The following CDK14 variants were observed in gnomAD, a reference collection of about 807,000 sequenced individuals.
CDK14 encodes the protein cyclin dependent kinase 14, also known as cyclin-dependent kinase 14.
In CDK14, 34 loss-of-function variants were observed where a neutral mutation model predicts 60.7. That is an observed-to-expected ratio of 0.56 (90% CI 0.43 to 0.75). CDK14 has a LOEUF of 0.75. CDK14 is among the 30% of genes least tolerant of loss of function. CDK14 has a pLI of 0.00. For synonymous variants in CDK14, 197 were observed against 203.7 expected (o/e 0.97, Z 0.28); for missense variants, 482 against 564.1 (o/e 0.85, Z 1.47).
At chr7:90,625,276 G>A (rs1419081091) in intron 2 of CDK14, among the ~76,000 whole-genome samples, 1 of 152,152 alleles carries the variant, frequency 6.6e-6, no homozygotes, top group Non-Finnish European at 1.5e-5. Context: ...GGAGTGCAAG[G>A]CCGAAGTGAG....
intron 11 of CDK14, among the ~76,000 whole-genome samples, chr7:91,062,964 G>T (rs57937791): frequency 0.025 from 3,793 of 152,220 alleles, 138 homozygotes; most frequent in African/African-American, 0.085. Flanking sequence ...ACAGTGAAAG[G>T]CAGGGCACAA....
intron 14 of CDK14, among the ~76,000 whole-genome samples, chr7:91,179,584 C>G (rs188035313): frequency 0.016 from 2,480 of 151,860 alleles, 90 homozygotes; most frequent in African/African-American, 0.055. Flanking sequence ...GGGCGGATCA[C>G]GAGGTCAAGA....
chr7:90,667,956 G>T (rs909390239), intron 2 of CDK14, among the ~76,000 whole-genome samples: 1 of 152,122 alleles, frequency 6.6e-6, no homozygotes, highest in Non-Finnish European at 1.5e-5. Context: ...CATTTGGGTT[G>T]TTTCCACTTT....
At chr7:91,070,368 G>C (rs1798106788) in intron 11 of CDK14, among the ~76,000 whole-genome samples, 1 of 152,134 alleles carries the variant, frequency 6.6e-6, no homozygotes, top group Non-Finnish European at 1.5e-5. Flanking sequence ...CGTGAAGAAA[G>C]AGACTTGTTC....
chr7:91,113,946 G>GT (rs1251752000), intron 13 of CDK14, among the ~76,000 whole-genome samples: 1 of 151,872 alleles, frequency 6.6e-6, no homozygotes, highest in Non-Finnish European at 1.5e-5. Flanking sequence ...TCCAGCCCAT[G>GT]TTTACTCAAC....
intron 14 of CDK14, among the ~76,000 whole-genome samples, chr7:91,120,277 A>T (rs1799741089): frequency 6.6e-6 from 1 of 152,208 alleles, no homozygotes; most frequent in Non-Finnish European, 1.5e-5. Context: ...AAATCAAATC[A>T]AGCTCACAGG....
intron 2 of CDK14, among the ~76,000 whole-genome samples, chr7:90,631,712 G>T (rs1800000986): frequency 6.6e-6 from 1 of 152,192 alleles, no homozygotes; most frequent in African/African-American, 2.4e-5. Context: ...GGCCCTCGGG[G>T]ACTGGGTTAC....
At chr7:90,880,654 A>G (rs1225315592) in intron 6 of CDK14, among the ~76,000 whole-genome samples, 4 of 152,130 alleles carry the variant, frequency 2.6e-5, no homozygotes, top group African/African-American at 9.7e-5. Flanking sequence ...GGGTAGTCAG[A>G]CACCCTATAC....
At chr7:91,182,260 A>G in intron 14 of CDK14, among the ~76,000 whole-genome samples, 1 of 152,104 alleles carries the variant, frequency 6.6e-6, no homozygotes, top group South Asian at 2.1e-4. Flanking sequence ...GGGTATTCCA[A>G]TGAGAAATAT....
At chr7:90,934,145 G>A (rs1793683019) in intron 8 of CDK14, among the ~76,000 whole-genome samples, 1 of 152,234 alleles carries the variant, frequency 6.6e-6, no homozygotes, top group Admixed American at 6.5e-5. Context: ...GGAGGCCTTG[G>A]GGCGTGAGAG....
At chr7:91,184,470 T>G (rs2115899396) in intron 14 of CDK14, among the ~76,000 whole-genome samples, 1 of 152,240 alleles carries the variant, frequency 6.6e-6, no homozygotes, top group East Asian at 1.9e-4. Flanking sequence ...CCTGTTTCCT[T>G]TAAAGTCCAG....
chr7:91,118,324 A>C (rs1023436310), intron 14 of CDK14, 116 bp downstream of exon 14: 1 of 557,864 alleles, frequency 1.8e-6, no homozygotes. Flanking sequence ...TCTTGTGTGC[A>C]TTATGGCATT....
chr7:90,986,596 A>G (rs1032288641), intron 10 of CDK14, among the ~76,000 whole-genome samples: 36 of 152,028 alleles, frequency 2.4e-4, no homozygotes, highest in African/African-American at 8.4e-4. Flanking sequence ...CTTTTATTCA[A>G]TTATTTTAAA....
intron 5 of CDK14, among the ~76,000 whole-genome samples, chr7:90,800,517 T>A (rs1370948764): frequency 6.6e-6 from 1 of 152,166 alleles, no homozygotes; most frequent in African/African-American, 2.4e-5. Flanking sequence ...TGATACTTGA[T>A]TCTCTACCTT....
At position 91,046,465 on chromosome 7, in the gene CDK14, A is replaced by G. The variant is rs551728741; in HGVS notation, c.1105+505A>G. On this transcript the variant is annotated intron_variant, in intron 11 of 14. Coordinates refer to ENST00000380050, the MANE Select transcript of CDK14 (RefSeq NM_001287135.2). ...AATATGTTTTCATGTAAAATATTTA[A>G]ACCTGAACACTGAAAAATCTGAAAG... Among the ~76,000 whole-genome samples, 173 of 152,290 alleles carry G rather than the reference A, an allele frequency of 1.1e-3. 1 individual carries two copies. Among genetic ancestry groups the G allele is most frequent in the African/African-American group, 4.1e-3 (172 of 41,582 alleles).
intron 11 of CDK14, 68 bp from the exon 12 acceptor site, chr7:91,079,364 T>G: frequency 9.1e-7 from 1 of 1,103,982 alleles, no homozygotes; most frequent in Non-Finnish European, 1.3e-6. Context: ...AGTTGAAGTT[T>G]TTTCAACATA....
At chr7:90,982,298 A>C (rs968493868) in intron 9 of CDK14, among the ~76,000 whole-genome samples, 2 of 152,182 alleles carry the variant, frequency 1.3e-5, no homozygotes, top group Non-Finnish European at 2.9e-5. Flanking sequence ...GGAATTTGCT[A>C]TCAAGAGTAA....
chr7:90,849,143 T>G lies in CDK14; in HGVS notation c.545-14032T>G, dbSNP rs998885324. ...GTCGTGGGGGCGGATCCCTCATGAATGGCTTGGTGCTCTTACGGGGCAGTG... is the reference window on the plus strand; with the variant it reads ...GTCGTGGGGGCGGATCCCTCATGAAGGGCTTGGTGCTCTTACGGGGCAGTG... On this transcript the variant is annotated intron_variant, in intron 5 of 14. Transcript: ENST00000380050. 2.6e-5 allele frequency among the ~76,000 whole-genome samples: 4 copies of G among 152,268 alleles called. No individual in the cohort carries two copies. The East Asian group carries it at 5.8e-4, about 22-fold the overall frequency.
intron 2 of CDK14, among the ~76,000 whole-genome samples, chr7:90,638,696 A>C (rs1408739599): frequency 6.6e-6 from 1 of 152,144 alleles, no homozygotes; most frequent in Non-Finnish European, 1.5e-5. Flanking sequence ...AGATTGGGGA[A>C]GTTCTCCTGG....
Sources: gnomAD v4.1 joint callset for allele counts (sites outside exome capture counted in the v4.1 genomes callset) on GRCh38, gnomAD v4.1.1 for gene constraint, MANE v1.5 for transcripts, NCBI Gene and HGNC (gene_info 2026-07-23, HGNC 2026-07-21) for gene names.